MYO1D: variants seen among roughly 807,000 people sequenced by gnomAD.
The protein encoded by MYO1D is unconventional myosin-Id.
MYO1D carries 83 observed loss-of-function variants against 122.0 expected under a neutral mutation model. The observed-to-expected ratio is 0.68, with a 90% CI of 0.57 to 0.82. The LOEUF (loss-of-function observed/expected upper bound fraction) is 0.82, where lower values mean the gene tolerates loss of function less well. Ranked by LOEUF, MYO1D falls within the 40% of genes least tolerant of loss-of-function variation. The probability of loss-of-function intolerance (pLI) is 0.00; values close to 1 mark genes in which losing one functional copy is unlikely to be tolerated. For missense variants in MYO1D, 1,157 were observed against 1,269.5 expected (o/e 0.91, Z 1.35); for synonymous variants, 464 against 446.9 (o/e 1.04, Z -0.48).
chr17:32,661,235 C>T (rs1222281871), intron 16 of MYO1D, among the ~76,000 whole-genome samples: 1 of 152,072 alleles, frequency 6.6e-6, no homozygotes, highest in African/African-American at 2.4e-5. Flanking sequence ...AATGAAATAG[C>T]ACAAAAATGC....
Position 32,494,550 on chromosome 17 carries a change from G to T in MYO1D, c.*209C>A. The T allele has an allele frequency of 1.5e-6, 1 of 647,472 alleles. No homozygotes were observed. The highest frequency in any genetic ancestry group is 2.6e-6 in the Non-Finnish European group (1 of 388,336). The allele number at this position is 647,472 out of a possible 1,614,324, so 40.1% of individuals were successfully genotyped here. On this transcript the variant is annotated 3_prime_UTR_variant, in exon 22 of 22. Transcript: ENST00000318217. ...GTCTGGGCGGGGCACCAGGGTCTTT[G>T]GCTTATTGAACAGGGACCGTGGACA...
chr17:32,601,961 C>T (rs1211279375), intron 21 of MYO1D, among the ~76,000 whole-genome samples: 1 of 152,138 alleles, frequency 6.6e-6, no homozygotes, highest in Non-Finnish European at 1.5e-5. Flanking sequence ...CTAATTTATA[C>T]TTAGTTGGTT....
intron 19 of MYO1D, among the ~76,000 whole-genome samples, chr17:32,646,129 T>A (rs2088290580): frequency 6.6e-6 from 1 of 152,104 alleles, no homozygotes. Context: ...ACAGTCAGGA[T>A]CCCATGAATA....
chr17:32,548,428 A>AG (rs1483134026), intron 21 of MYO1D, among the ~76,000 whole-genome samples: 1 of 145,422 alleles, frequency 6.9e-6, no homozygotes, highest in Non-Finnish European at 1.5e-5. Flanking sequence ...ACCTGTCTCA[A>AG]GAAAAAAAAA....
chr17:32,576,873 T>A (rs1483599976), intron 21 of MYO1D, among the ~76,000 whole-genome samples: 1 of 152,188 alleles, frequency 6.6e-6, no homozygotes. Context: ...AGAGATGAGG[T>A]CTCGCTTTGT....
chr17:32,772,705 G>T, intron 5 of MYO1D, 84 bp downstream of exon 5: 1 of 1,154,296 alleles, frequency 8.7e-7, no homozygotes, highest in Non-Finnish European at 1.3e-6. Flanking sequence ...GTGATGCATA[G>T]GACAGGGGAA....
At chr17:32,761,750 T>C (rs1322206380) in intron 8 of MYO1D, among the ~76,000 whole-genome samples, 2 of 152,206 alleles carry the variant, frequency 1.3e-5, no homozygotes, top group Non-Finnish European at 2.9e-5. Flanking sequence ...GACTCTTCAA[T>C]GGCTCACAGC....
intron 21 of MYO1D, among the ~76,000 whole-genome samples, chr17:32,514,541 G>A (rs1909819506): frequency 6.6e-6 from 1 of 152,212 alleles, no homozygotes; most frequent in Non-Finnish European, 1.5e-5. Context: ...GGGGAAAGGA[G>A]GGAAAGTCTA....
intron 21 of MYO1D, among the ~76,000 whole-genome samples, chr17:32,561,872 A>C (rs556983822): frequency 2.0e-4 from 31 of 152,312 alleles, no homozygotes; most frequent in African/African-American, 7.2e-4. Context: ...AAAGAGTTAA[A>C]AATTTTCTGT....
At chr17:32,618,329 G>A (rs560363453) in intron 20 of MYO1D, among the ~76,000 whole-genome samples, 1 of 152,140 alleles carries the variant, frequency 6.6e-6, no homozygotes, top group Admixed American at 6.5e-5. Context: ...GATTGACAAG[G>A]GCTTTCAACC....
intron 1 of MYO1D, among the ~76,000 whole-genome samples, chr17:32,858,897 C>T (rs940818320): frequency 6.6e-6 from 1 of 152,184 alleles, no homozygotes; most frequent in African/African-American, 2.4e-5. Flanking sequence ...AAGCTGCTTT[C>T]TGAATCTGTT....
intron 15 of MYO1D, among the ~76,000 whole-genome samples, chr17:32,720,623 G>C (rs895853848): frequency 1.3e-5 from 2 of 152,028 alleles, no homozygotes; most frequent in Non-Finnish European, 2.9e-5. Flanking sequence ...TTTTTACTTA[G>C]GTTAATTTCT....
At chr17:32,525,882 C>G (rs1231050395) in intron 21 of MYO1D, among the ~76,000 whole-genome samples, 4 of 152,200 alleles carry the variant, frequency 2.6e-5, no homozygotes, top group Non-Finnish European at 4.4e-5. Flanking sequence ...CAACTCCCCA[C>G]CTACCTGCCC....
chr17:32,576,150 A>G (rs1324551932), intron 21 of MYO1D, among the ~76,000 whole-genome samples: 1 of 152,250 alleles, frequency 6.6e-6, no homozygotes, highest in Non-Finnish European at 1.5e-5. Context: ...AAGAGGAAGC[A>G]TGTCAAAATA....
intron 16 of MYO1D, among the ~76,000 whole-genome samples, chr17:32,678,491 G>A (rs1198426222): frequency 2.0e-5 from 3 of 147,130 alleles, no homozygotes; most frequent in Non-Finnish European, 4.5e-5. Flanking sequence ...TCCCACCTAT[G>A]AGTGAGAATA....
intron 1 of MYO1D, among the ~76,000 whole-genome samples, chr17:32,850,102 C>T (rs2090973167): frequency 6.6e-6 from 1 of 152,212 alleles, no homozygotes; most frequent in African/African-American, 2.4e-5. Context: ...TAAAAATCAT[C>T]AGTCTTACTG....
chr17:32,822,751 G>A (rs1396297797), intron 1 of MYO1D, among the ~76,000 whole-genome samples: 12 of 151,352 alleles, frequency 7.9e-5, no homozygotes, highest in Non-Finnish European at 1.3e-4. Flanking sequence ...CGGGCAGCAG[G>A]CGGCGAGGCC....
chr17:32,810,635 C>T (rs899224176), intron 1 of MYO1D, among the ~76,000 whole-genome samples: 5 of 152,136 alleles, frequency 3.3e-5, no homozygotes, highest in Non-Finnish European at 5.9e-5. Flanking sequence ...CACCACCATG[C>T]TCGGCTAATT....
At chr17:32,636,491 C>A (rs1003468176) in intron 20 of MYO1D, among the ~76,000 whole-genome samples, 2 of 152,166 alleles carry the variant, frequency 1.3e-5, no homozygotes, top group African/African-American at 4.8e-5. Flanking sequence ...AATGACAGGT[C>A]TAGTTGGAAG....
Sources: gnomAD v4.1 joint callset for allele counts (sites outside exome capture counted in the v4.1 genomes callset) on GRCh38, gnomAD v4.1.1 for gene constraint, MANE v1.5 for transcripts, NCBI Gene and HGNC (gene_info 2026-07-23, HGNC 2026-07-21) for gene names.